PDE4B: variants seen among roughly 807,000 people sequenced by gnomAD.
PDE4B encodes the protein 3',5'-cyclic-AMP phosphodiesterase 4B.
In PDE4B, 20 loss-of-function variants were observed where a neutral mutation model predicts 82.2. The observed-to-expected ratio is 0.24, with a 90% CI of 0.17 to 0.35. The LOEUF is 0.35. PDE4B is among the 10% of genes least tolerant of loss of function. PDE4B has a pLI of 1.00. For missense variants in PDE4B, 655 were observed against 907.2 expected (o/e 0.72, Z 3.57); for synonymous variants, 320 against 318.9 (o/e 1.00, Z -0.04).
At chr1:66,200,270 C>A (rs576865282) in intron 3 of PDE4B, among the ~76,000 whole-genome samples, 74 of 152,178 alleles carry the variant, frequency 4.9e-4, no homozygotes, top group African/African-American at 1.7e-3. Flanking sequence ...AGTTTGAAGT[C>A]AGGTAGCGTG....
rs189872270 is a variant in PDE4B at position 66,175,616 on chromosome 1, C to T, written c.282-71844C>T. ...AAAAAAAGTATTCTTTTTTGGGCAC[C>T]GTGGACATTTTTCTTCTCTTGAGAT... On this transcript the variant is annotated intron_variant, in intron 3 of 16. Coordinates refer to ENST00000341517, the MANE Select transcript of PDE4B (RefSeq NM_002600.4). 9.6e-4 allele frequency among the ~76,000 whole-genome samples: 146 copies of T among 152,156 alleles called. 1 individual carries two copies. The highest frequency in any genetic ancestry group is 3.2e-3 in the African/African-American group (134 of 41,508).
intron 3 of PDE4B, chr1:66,062,975 G>C (rs905877869): frequency 1.3e-5 from 2 of 151,952 alleles, no homozygotes; most frequent in African/African-American, 4.8e-5. Context: ...AAGCATGTTG[G>C]TGTCTCTGCA....
chr1:65,834,655 C>G (rs898528119), intron 1 of PDE4B, among the ~76,000 whole-genome samples: 1 of 152,098 alleles, frequency 6.6e-6, no homozygotes, highest in Non-Finnish European at 1.5e-5. Flanking sequence ...TAACTAATAC[C>G]ATTTTGTAAA....
At chr1:66,113,339 G>C (rs139226424) in intron 3 of PDE4B, among the ~76,000 whole-genome samples, 232 of 152,278 alleles carry the variant, frequency 1.5e-3, no homozygotes, top group African/African-American at 5.2e-3. Flanking sequence ...TTATTTTGCA[G>C]AGTTTGAAAA....
intron 1 of PDE4B, among the ~76,000 whole-genome samples, chr1:65,902,683 A>G (rs1034169262): frequency 1.3e-5 from 2 of 152,146 alleles, no homozygotes; most frequent in Admixed American, 6.6e-5. Context: ...TGATTCCTCA[A>G]TGCCTATACA....
At chr1:66,314,800 G>A (rs1224042107) in intron 7 of PDE4B, among the ~76,000 whole-genome samples, 1 of 152,154 alleles carries the variant, frequency 6.6e-6, no homozygotes, top group Non-Finnish European at 1.5e-5. Flanking sequence ...TTCCGCGTAT[G>A]GTTACCGTTG....
At chr1:66,007,861 G>A (rs1239089218) in intron 3 of PDE4B, among the ~76,000 whole-genome samples, 3 of 152,114 alleles carry the variant, frequency 2.0e-5, no homozygotes, top group East Asian at 3.9e-4. Flanking sequence ...CAGGAAGGTC[G>A]ATTAATTGAT....
intron 6 of PDE4B, 54 bp from the exon 7 acceptor site, chr1:66,265,984 G>A: frequency 7.4e-7 from 1 of 1,342,728 alleles, no homozygotes; most frequent in Non-Finnish European, 1.1e-6. Flanking sequence ...TGTCGGGGGT[G>A]GAATGGGCAG....
chr1:65,932,153 C>T (rs559249495), intron 3 of PDE4B, among the ~76,000 whole-genome samples: 1 of 151,536 alleles, frequency 6.6e-6, no homozygotes, highest in South Asian at 2.1e-4. Context: ...CTCTAGCTGC[C>T]TTGGGGCCAA....
At chr1:65,899,801 G>T (rs991573207) in intron 1 of PDE4B, among the ~76,000 whole-genome samples, 2 of 151,784 alleles carry the variant, frequency 1.3e-5, no homozygotes, top group Non-Finnish European at 2.9e-5. Flanking sequence ...AACATCATAC[G>T]TTCTCACTCA....
intron 9 of PDE4B, among the ~76,000 whole-genome samples, chr1:66,357,615 T>A (rs1214386293): frequency 6.6e-6 from 1 of 151,862 alleles, no homozygotes; most frequent in Non-Finnish European, 1.5e-5. Context: ...AGAATCTCAA[T>A]CCTTATAGAC....
intron 7 of PDE4B, among the ~76,000 whole-genome samples, chr1:66,310,121 G>A (rs1658565217): frequency 6.6e-6 from 1 of 152,150 alleles, no homozygotes; most frequent in South Asian, 2.1e-4. Context: ...CCTCTTCTCT[G>A]CTCCCAGATT....
intron 3 of PDE4B, among the ~76,000 whole-genome samples, chr1:66,181,421 G>A (rs1174763173): frequency 1.3e-5 from 2 of 152,004 alleles, no homozygotes; most frequent in Non-Finnish European, 2.9e-5. Flanking sequence ...CCTGCACAAT[G>A]GCCTTTCATA....
intron 3 of PDE4B, among the ~76,000 whole-genome samples, chr1:65,932,450 T>G (rs928264168): frequency 6.6e-6 from 1 of 152,174 alleles, no homozygotes; most frequent in Non-Finnish European, 1.5e-5. Flanking sequence ...GCCCCGAGAA[T>G]CCATGGCTGA....
At chr1:66,023,162 GGCATA>G (rs1653237760) in intron 3 of PDE4B, among the ~76,000 whole-genome samples, 2 of 152,032 alleles carry the variant, frequency 1.3e-5, no homozygotes. Context: ...CTTAGCTTTA[GGCATA>G]CTTTATAAGC....
chr1:66,264,233 T>C (rs2101724852), intron 6 of PDE4B, among the ~76,000 whole-genome samples: 1 of 152,272 alleles, frequency 6.6e-6, no homozygotes, highest in Middle Eastern at 3.4e-3. Flanking sequence ...GAAAAGGATG[T>C]TGGGGCTAGA....
chr1:66,360,041 A>G (rs1194291411), intron 9 of PDE4B, among the ~76,000 whole-genome samples: 2 of 152,190 alleles, frequency 1.3e-5, no homozygotes, highest in African/African-American at 4.8e-5. Context: ...GGCTCTGATT[A>G]TCCAAGTCAC....
intron 3 of PDE4B, among the ~76,000 whole-genome samples, chr1:65,948,158 C>T (rs960754255): frequency 7.3e-5 from 11 of 151,670 alleles, no homozygotes; most frequent in African/African-American, 2.7e-4. Context: ...GCTAAGTATG[C>T]CCATCCCAAT....
Position 66,363,587 on chromosome 1 carries a change from CT to C in PDE4B, c.1284+17del. 3.1e-6 allele frequency: 5 copies of C among 1,599,816 alleles called. No homozygotes were observed. The highest frequency in any genetic ancestry group is 4.3e-6 in the Non-Finnish European group (5 of 1,171,474). ...AGCATTAGACGTGAGTAATTATGAC[CT>C]GTTTTGCATTCCTGCCCATCCTCCT... On this transcript the variant is annotated intron_variant, in intron 12 of 16. Coordinates refer to ENST00000341517, the MANE Select transcript of PDE4B (RefSeq NM_002600.4).
Sources: gnomAD v4.1 joint callset for allele counts (sites outside exome capture counted in the v4.1 genomes callset) on GRCh38, gnomAD v4.1.1 for gene constraint, MANE v1.5 for transcripts, NCBI Gene and HGNC (gene_info 2026-07-23, HGNC 2026-07-21) for gene names.